WDPCP: variants seen among roughly 807,000 people sequenced by gnomAD.
WDPCP encodes WD repeat containing planar cell polarity effector, also known as WD repeat-containing and planar cell polarity effector protein fritz homolog.
Under a neutral mutation model 93.1 loss-of-function variants are expected in WDPCP, and 71 were observed. That is an observed-to-expected ratio of 0.76 (90% CI 0.63 to 0.93). The LOEUF (loss-of-function observed/expected upper bound fraction) is 0.93, where lower values mean the gene tolerates loss of function less well. WDPCP is among the 40% of genes least tolerant of loss of function. The pLI is 0.00. For missense variants in WDPCP, 844 were observed against 887.4 expected (o/e 0.95, Z 0.62); for synonymous variants, 315 against 315.0 (o/e 1.00, Z 0.00).
intron 1 of WDPCP, chr2:63,518,797 C>T (rs1702724898): frequency 6.6e-6 from 1 of 152,260 alleles, no homozygotes; most frequent in Admixed American, 6.5e-5. Context: ...CACTAGGGTA[C>T]CACGTGGGCT....
chr2:63,825,364 T>A lies in WDPCP; in HGVS notation n.222+2258A>T, dbSNP rs1404184790. On this transcript the variant is annotated intron_variant and non_coding_transcript_variant, in intron 1 of 4. Transcript: ENST00000467687. ...GATATCTTGCTGAGTGGAAATAATG[T>A]TTTATATAGGCTTTTTGTTGTTGCT... Among the ~76,000 whole-genome samples the A allele has an allele frequency of 5.9e-5, 9 of 152,122 alleles. No individual in the cohort carries two copies. In the East Asian group the frequency reaches 1.7e-3, roughly 29 times the overall value.
intron 17 of WDPCP, among the ~76,000 whole-genome samples, chr2:63,132,729 T>A (rs1670370695): frequency 6.6e-6 from 1 of 152,072 alleles, no homozygotes; most frequent in Admixed American, 6.6e-5. Flanking sequence ...GAAATTCCCC[T>A]TTGTTCATAT....
intron 2 of WDPCP, among the ~76,000 whole-genome samples, chr2:63,698,158 G>T (rs1668987631): frequency 6.6e-6 from 1 of 151,866 alleles, no homozygotes; most frequent in African/African-American, 2.4e-5. Context: ...GTTTCACCAT[G>T]TTGGCCAGGC....
chr2:63,396,835 A>T (rs941260903), intron 10 of WDPCP, among the ~76,000 whole-genome samples: 1 of 151,824 alleles, frequency 6.6e-6, no homozygotes, highest in Non-Finnish European at 1.5e-5. Flanking sequence ...CCTCAAGTAG[A>T]CCCCAGTGTT....
At chr2:63,368,297 A>ATTTTATTTT (rs372647501) in intron 12 of WDPCP, among the ~76,000 whole-genome samples, 1 of 147,050 alleles carries the variant, frequency 6.8e-6, no homozygotes, top group Non-Finnish European at 1.5e-5. Flanking sequence ...GTTTATTTTT[A>ATTTTATTTT]ATTTATTTAT....
At chr2:63,290,450 A>C (rs1270958480) in intron 13 of WDPCP, among the ~76,000 whole-genome samples, 1 of 148,204 alleles carries the variant, frequency 6.7e-6, no homozygotes, top group Non-Finnish European at 1.5e-5. Flanking sequence ...ATAATTATAT[A>C]CTAAAGAAAT....
chr2:63,606,938 A>T, intron 3 of WDPCP: 1 of 1,613,048 alleles, frequency 6.2e-7, no homozygotes, highest in Non-Finnish European at 8.5e-7. Flanking sequence ...ACTGCAAAGG[A>T]ACTGACAGAA....
intron 15 of WDPCP, among the ~76,000 whole-genome samples, chr2:63,154,808 G>A (rs1672126060): frequency 6.6e-6 from 1 of 152,048 alleles, no homozygotes; most frequent in East Asian, 1.9e-4. Flanking sequence ...ACCAGCACCT[G>A]GAATTGTCAG....
upstream of WDPCP, among the ~76,000 whole-genome samples, chr2:63,829,984 C>G (rs1671170160): frequency 6.6e-6 from 1 of 151,998 alleles, no homozygotes; most frequent in Non-Finnish European, 1.5e-5. Flanking sequence ...ATTATGTCCA[C>G]TGATTACTCA....
At chr2:63,131,103 G>A (rs1670263424) in intron 17 of WDPCP, among the ~76,000 whole-genome samples, 1 of 152,040 alleles carries the variant, frequency 6.6e-6, no homozygotes, top group African/African-American at 2.4e-5. Context: ...TCTCTTGTGT[G>A]CAGCAGAGTG....
intron 1 of WDPCP, among the ~76,000 whole-genome samples, chr2:63,827,081 C>A (rs554032658): frequency 3.8e-4 from 55 of 143,712 alleles, no homozygotes; most frequent in African/African-American, 1.6e-3. Context: ...TAGAAAGACT[C>A]CCTAGTGAAC....
At chr2:63,179,665 T>TA (rs1674089022) in intron 14 of WDPCP, among the ~76,000 whole-genome samples, 1 of 151,952 alleles carries the variant, frequency 6.6e-6, no homozygotes, top group Non-Finnish European at 1.5e-5. Flanking sequence ...TATTCCTTTA[T>TA]AGCAATCCAA....
At chr2:63,591,227 T>G (rs554778702), upstream of WDPCP, among the ~76,000 whole-genome samples, 10 of 152,368 alleles carry the variant, frequency 6.6e-5, no homozygotes, top group East Asian at 1.9e-3. Flanking sequence ...GTTCACACTA[T>G]AACATTGTGA....
chr2:63,380,453 C>G (rs1202449409), intron 11 of WDPCP, among the ~76,000 whole-genome samples: 3 of 152,042 alleles, frequency 2.0e-5, no homozygotes, highest in African/African-American at 7.2e-5. Flanking sequence ...ACTGGAATTT[C>G]TTGGCCAGGC....
chr2:63,179,400 G>A (rs1674067864), intron 14 of WDPCP, among the ~76,000 whole-genome samples: 1 of 151,794 alleles, frequency 6.6e-6, no homozygotes, highest in Non-Finnish European at 1.5e-5. Flanking sequence ...CTCATAAATG[G>A]TTTAGCACCA....
At chr2:63,332,121 T>C (rs1211501700) in intron 12 of WDPCP, among the ~76,000 whole-genome samples, 2 of 150,816 alleles carry the variant, frequency 1.3e-5, no homozygotes, top group African/African-American at 2.4e-5. Context: ...TATATGTATA[T>C]ATATATTTTT....
chr2:63,268,254 T>TA (rs1682322559), intron 13 of WDPCP, among the ~76,000 whole-genome samples: 1 of 152,136 alleles, frequency 6.6e-6, no homozygotes, highest in Non-Finnish European at 1.5e-5. Flanking sequence ...TCTCACTTGT[T>TA]ATATATGGAT....
rs150034134 is a variant in WDPCP at position 63,553,928 on chromosome 2, C to A, written c.75+34269G>T. Among the ~76,000 whole-genome samples the A allele has an allele frequency of 1.2e-3, 178 of 152,216 alleles. 1 individual carries two copies. The highest frequency in any genetic ancestry group is 4.2e-3 in the African/African-American group (175 of 41,530). ...AGTTGCAGACACAATGCTCCATTACCCCTTGATATGTCAGTGTGTATTTCC... is the reference window on the plus strand; with the variant it reads ...AGTTGCAGACACAATGCTCCATTACACCTTGATATGTCAGTGTGTATTTCC... On this transcript the variant is annotated intron_variant, in intron 1 of 17. Transcript: ENST00000272321.
In WDPCP at chr2:63,381,958, C is replaced by T. The variant is rs1692346925; in HGVS notation, c.1572G>A (p.Met524Ile). Reference protein sequence around the residue: ...DTLGHQCFISMSAIVNHLLRQ... With the variant: ...DTLGHQCFISISAIVNHLLRQ... ...TAAGAAGATGGTTTACAATGGCGCT[C>T]ATGCTGATAAAGCACTGGTGGCCCA... is the stretch of plus-strand genomic sequence containing the variant. Residue 524 changes from methionine to isoleucine, a missense_variant, in exon 11 of 18, where the codon ATG becomes ATA. Met to Ile is a conservative substitution (Grantham distance 10). Transcript: ENST00000272321. The T allele has an allele frequency of 1.9e-6, 3 of 1,613,532 alleles. No individual in the cohort carries two copies. The highest frequency in any genetic ancestry group is 2.5e-6 in the Non-Finnish European group (3 of 1,179,716).
Sources: gnomAD v4.1 joint callset for allele counts (sites outside exome capture counted in the v4.1 genomes callset) on GRCh38, gnomAD v4.1.1 for gene constraint, MANE v1.5 for transcripts, NCBI Gene and HGNC (gene_info 2026-07-23, HGNC 2026-07-21) for gene names.